The following TESC variants were observed in gnomAD, a reference collection of about 807,000 sequenced individuals.
TESC encodes the protein calcineurin B homologous protein 3.
TESC carries 19 observed loss-of-function variants against 31.0 expected under a neutral mutation model. The observed-to-expected ratio is 0.61, with a 90% confidence interval of 0.43 to 0.90. TESC has a LOEUF of 0.90. Among genes scored for constraint, TESC ranks in the 40% least tolerant of loss-of-function variants. TESC has a pLI of 0.00. For missense variants in TESC, 248 were observed against 303.8 expected (o/e 0.82, Z 1.36); for synonymous variants, 109 against 114.8 (o/e 0.95, Z 0.32).
intron 1 of TESC, among the ~76,000 whole-genome samples, chr12:117,077,068 T>A (rs999743665): frequency 2.0e-4 from 31 of 152,320 alleles, no homozygotes; most frequent in African/African-American, 5.8e-4. Flanking sequence ...AGCTAATTTC[T>A]GGGGCCAACT....
intron 2 of TESC, among the ~76,000 whole-genome samples, chr12:117,058,745 T>TAA (rs3070303): frequency 0.024 from 3,024 of 124,116 alleles, 82 homozygotes; most frequent in African/African-American, 0.06. Context: ...TCCAATCTCT[T>TAA]AAAAAAAAAA....
chr12:117,062,283 G>A (rs969289216), intron 2 of TESC, among the ~76,000 whole-genome samples: 2 of 151,814 alleles, frequency 1.3e-5, no homozygotes, highest in Non-Finnish European at 1.5e-5. Context: ...GCACAGTGGC[G>A]TGATCTCTGC....
At chr12:117,042,068 T>C (rs2135743972) in intron 6 of TESC, 74 bp from the exon 7 acceptor site, 1 of 1,456,206 alleles carries the variant, frequency 6.9e-7, no homozygotes, top group Non-Finnish European at 9.4e-7. Context: ...GACGGTCCAC[T>C]GGCCTCCCCT....
At chr12:117,091,124 C>G (rs2135803567) in intron 1 of TESC, among the ~76,000 whole-genome samples, 1 of 152,344 alleles carries the variant, frequency 6.6e-6, no homozygotes, top group Non-Finnish European at 1.5e-5. Context: ...CCACCACCAC[C>G]AGCGGAAATC....
chr12:117,075,843 G>GTGTGTATATATATATATATA lies in TESC; in HGVS notation c.59-523_59-504dup, dbSNP rs1481355106. On this transcript the variant is annotated intron_variant, in intron 1 of 7. Transcript: ENST00000335209. ...CCATGCCCGGCTAATTTTCGTGTGT[G>GTGTGTATATATATATATATA]TGTGTATATATATATATATATATAT... 1.7e-3 allele frequency among the ~76,000 whole-genome samples: 68 copies of GTGTGTATATATATATATATA among 40,812 alleles called. 2 individuals are homozygous for GTGTGTATATATATATATATA. The highest frequency in any genetic ancestry group is 5.8e-3 in the South Asian group (5 of 862). The allele number at this position is 40,812 out of a possible 152,430, so 26.8% of individuals were successfully genotyped here. A position where few individuals can be genotyped will look rare whatever the true frequency, so the allele number is the denominator to read the frequency against.
At chr12:117,066,691 G>T (rs1228213531) in intron 2 of TESC, among the ~76,000 whole-genome samples, 1 of 152,078 alleles carries the variant, frequency 6.6e-6, no homozygotes, top group African/African-American at 2.4e-5. Flanking sequence ...TCATGTTATA[G>T]CATGAACTGG....
intron 4 of TESC, chr12:117,048,630 GCTGA>G: frequency 2.2e-6 from 1 of 451,562 alleles, no homozygotes; most frequent in South Asian, 1.6e-5. Flanking sequence ...TGTGCCAAAG[GCTGA>G]CTGTGTGATC....
At chr12:117,082,070 A>C (rs1211549967) in intron 1 of TESC, among the ~76,000 whole-genome samples, 7 of 151,458 alleles carry the variant, frequency 4.6e-5, no homozygotes, top group African/African-American at 1.7e-4. Context: ...CAAAAAAAAA[A>C]AAAAATCAAA....
intron 1 of TESC, among the ~76,000 whole-genome samples, chr12:117,081,313 AT>A (rs894987539): frequency 6.6e-6 from 1 of 152,238 alleles, no homozygotes; most frequent in East Asian, 1.9e-4. Context: ...AAAAATGATC[AT>A]TTTTAAATAT....
At chr12:117,075,956 T>C (rs1433924799) in intron 1 of TESC, among the ~76,000 whole-genome samples, 1 of 126,560 alleles carries the variant, frequency 7.9e-6, no homozygotes, top group Non-Finnish European at 1.6e-5. Flanking sequence ...TATACATATA[T>C]ATATATATAT....
chr12:117,092,571 G>A (rs1164419973), intron 1 of TESC, among the ~76,000 whole-genome samples: 2 of 152,198 alleles, frequency 1.3e-5, no homozygotes, highest in Non-Finnish European at 2.9e-5. Flanking sequence ...ACCACTTTGT[G>A]GATGACTCCA....
At chr12:117,081,581 G>A (rs1046264015) in intron 1 of TESC, among the ~76,000 whole-genome samples, 1 of 152,106 alleles carries the variant, frequency 6.6e-6, no homozygotes, top group Non-Finnish European at 1.5e-5. Context: ...AACAGATGAG[G>A]GTAATCAAGG....
intron 3 of TESC, chr12:117,054,028 T>C (rs1433177801): frequency 1.3e-5 from 2 of 152,074 alleles, no homozygotes; most frequent in Non-Finnish European, 2.9e-5. Flanking sequence ...CACTTCACAG[T>C]CACTTAAGCT....
At chr12:117,046,896 CCT>C in intron 4 of TESC, 58 bp from the exon 5 acceptor site, 2 of 1,519,000 alleles carry the variant, frequency 1.3e-6, no homozygotes, top group Non-Finnish European at 1.8e-6. Flanking sequence ...CCTGCCACCC[CCT>C]GAAATGTACA....
chr12:117,067,564 C>A (rs1954905341), intron 2 of TESC, among the ~76,000 whole-genome samples: 1 of 152,136 alleles, frequency 6.6e-6, no homozygotes, highest in Non-Finnish European at 1.5e-5. Flanking sequence ...AGAACGAGAT[C>A]TTGCTCCCAT....
At chr12:117,070,460 G>C (rs543309880) in intron 2 of TESC, among the ~76,000 whole-genome samples, 1 of 152,140 alleles carries the variant, frequency 6.6e-6, no homozygotes, top group Non-Finnish European at 1.5e-5. Context: ...CAGCTGACAC[G>C]AACCTCGAAG....
intron 1 of TESC, among the ~76,000 whole-genome samples, chr12:117,075,985 A>ATAT (rs1555232422): frequency 2.1e-4 from 21 of 100,638 alleles, no homozygotes; most frequent in South Asian, 1.8e-3. Context: ...ATATATATAT[A>ATAT]TTTTTTTTTT....
At chr12:117,059,642 T>C (rs1271533632) in intron 2 of TESC, among the ~76,000 whole-genome samples, 1 of 152,196 alleles carries the variant, frequency 6.6e-6, no homozygotes. Flanking sequence ...TCAATCTCCA[T>C]GGGCCTGCTC....
At chr12:117,048,943 G>T in intron 4 of TESC, 76 bp downstream of exon 4, 2 of 1,603,816 alleles carry the variant, frequency 1.2e-6, no homozygotes, top group Non-Finnish European at 1.7e-6. Flanking sequence ...TGCTGCAGAG[G>T]CGCCTTGCGT....
Sources: gnomAD v4.1 joint callset for allele counts (sites outside exome capture counted in the v4.1 genomes callset) on GRCh38, gnomAD v4.1.1 for gene constraint, MANE v1.5 for transcripts, NCBI Gene and HGNC (gene_info 2026-07-23, HGNC 2026-07-21) for gene names.